Variants in GRB7 observed in about 807,000 individuals in gnomAD.
GRB7 encodes the protein growth factor receptor-bound protein 7.
GRB7 carries 47 observed loss-of-function variants against 64.1 expected under a neutral mutation model. The ratio of observed to expected loss-of-function variants is 0.73; its 90% CI spans 0.58 to 0.94. GRB7 has a LOEUF of 0.94. Ranked by LOEUF, GRB7 falls within the 40% of genes least tolerant of loss-of-function variation. The pLI is 0.00. For missense variants in GRB7, 634 were observed against 718.4 expected (o/e 0.88, Z 1.34); for synonymous variants, 277 against 279.9 (o/e 0.99, Z 0.10).
At chr17:39,745,150 C>A in intron 9 of GRB7, 93 bp from the exon 10 acceptor site, 2 of 1,232,850 alleles carry the variant, frequency 1.6e-6, no homozygotes, top group Non-Finnish European at 2.3e-6. Flanking sequence ...GAAACACAGC[C>A]CTGGTCTGGG....
intron 1 of GRB7, among the ~76,000 whole-genome samples, chr17:39,739,253 T>C (rs1293586220): frequency 6.7e-6 from 1 of 150,160 alleles, no homozygotes; most frequent in Non-Finnish European, 1.5e-5. Flanking sequence ...TACTGTATGC[T>C]TGGTGGGGGG....
Position 39,744,622 on chromosome 17 carries a change from A to G in GRB7, c.871A>G (p.Lys291Glu), listed in dbSNP as rs778076904. The part of the protein sequence containing the change: ...SNVYVVTQGR[K>E]LYGMPTDFGF... Reference sequence around the variant, plus strand: ...CGTGTACGTGGTGACGCAGGGCCGCAAGCTCTACGGGATGCCCACTGACTT... The same window carrying G: ...CGTGTACGTGGTGACGCAGGGCCGCGAGCTCTACGGGATGCCCACTGACTT... The change falls in exon 8 of 15, where the codon AAG becomes GAG. Residue 291 changes from lysine to glutamate, a missense_variant. By Grantham distance (56) the Lys-to-Glu change is moderately conservative (BLOSUM62 1). This residue lies in a region of GRB7 where 467 missense variants were observed against 576.6 expected (regional missense o/e 0.81). Coordinates refer to ENST00000309156, the MANE Select transcript of GRB7 (RefSeq NM_005310.5). The G allele has an allele frequency of 1.2e-6, 2 of 1,611,432 alleles. No homozygotes were observed. Among genetic ancestry groups the G allele is most frequent in the South Asian group, 2.2e-5 (2 of 90,548 alleles).
chr17:39,741,821 C>T (rs2059996674), intron 1 of GRB7, among the ~76,000 whole-genome samples: 1 of 151,810 alleles, frequency 6.6e-6, no homozygotes, highest in South Asian at 2.1e-4. Context: ...ACCAGCCTGG[C>T]CAACATGGTG....
In GRB7 at chr17:39,743,064, G is replaced by A. The variant is rs760583664; in HGVS notation, c.463+10G>A. The A allele has an allele frequency of 5.0e-6, 8 of 1,600,816 alleles. No homozygotes were observed. The South Asian group carries it at 9.0e-5, about 18-fold the overall frequency. On this transcript the variant is annotated intron_variant, in intron 4 of 14. Transcript: ENST00000309156. ...CCCCACCTAGCACTGGGTAAGTCAG[G>A]TGCATGGAACTATCCGGGCTGGGAG...
chr17:39,740,262 G>A (rs992761095), intron 1 of GRB7: 12 of 699,684 alleles, frequency 1.7e-5, no homozygotes, highest in East Asian at 2.6e-4. Flanking sequence ...TGGGTGTGTC[G>A]TGCCCCTCCT....
chr17:39,742,639 C>T lies in GRB7; in HGVS notation c.229C>T (p.Pro77Ser), dbSNP rs746819146. 3 of 1,611,986 alleles carry T rather than the reference C, an allele frequency of 1.9e-6. No individual in the cohort carries two copies. Among genetic ancestry groups the T allele is most frequent in the Non-Finnish European group, 1.7e-6 (2 of 1,178,916 alleles). The change falls in exon 3 of 15, where the codon CCT becomes TCT. Residue 77 changes from proline (P) to serine (S), a missense_variant. Pro to Ser is a moderately conservative substitution (Grantham distance 74). Around this residue, in one of 2 missense-constraint regions of GRB7, gnomAD observed 167 missense variants for 141.9 expected, o/e 1.18. Coordinates refer to ENST00000309156, the MANE Select transcript of GRB7 (RefSeq NM_005310.5). Reference protein sequence around the residue: ...IPNPFPELCSPPSQSPILGGP... With the variant: ...IPNPFPELCSSPSQSPILGGP... The stretch of plus-strand genomic sequence containing the variant: ...CAACCCCTTCCCTGAGCTCTGCAGT[C>T]CTCCCTCACAGAGCCCAATTCTCGG...
chr17:39,745,144 C>A, intron 9 of GRB7, 99 bp from the exon 10 acceptor site: 1 of 1,206,126 alleles, frequency 8.3e-7, no homozygotes, highest in Non-Finnish European at 1.2e-6. Flanking sequence ...AAGGCAGAAA[C>A]ACAGCCCTGG....
chr17:39,739,935 A>G (rs2059981114), intron 1 of GRB7: 2 of 955,398 alleles, frequency 2.1e-6, no homozygotes, highest in Admixed American at 6.2e-5. Context: ...CTCCAGCCTT[A>G]GAAGCTTAAG....
Position 39,744,130 on chromosome 17 carries a change from G to A in GRB7, c.724G>A (p.Gly242Arg), listed in dbSNP as rs756165078. ...GGGCTTTCTGCAGCTGCGGGGTTCA[G>A]GACGGAAGCTTTGGAAACGCTTTTT... ...IQGFLQLRGS[G>R]RKLWKRFFCF... The change falls in exon 7 of 15, where the codon GGA becomes AGA. Residue 242 changes from glycine (G) to arginine (R), a missense_variant. Gly to Arg is a moderately radical substitution (Grantham distance 125, BLOSUM62 -2). Around this residue, in one of 2 missense-constraint regions of GRB7, gnomAD observed 467 missense variants for 576.6 expected, o/e 0.81. Coordinates refer to ENST00000309156, the MANE Select transcript of GRB7 (RefSeq NM_005310.5). 6 of 1,614,192 alleles carry A rather than the reference G, an allele frequency of 3.7e-6. No homozygotes were observed. In the South Asian group the frequency reaches 6.6e-5, roughly 18 times the overall value.
Position 39,746,810 on chromosome 17 carries a change from C to T in GRB7, c.1512C>T (p.Asp504=), listed in dbSNP as rs773717971. Residue 504 remains aspartate (D), a synonymous_variant, in exon 15 of 15, where the codon GAC becomes GAT. Transcript: ENST00000309156. ...SMDDGQTRFT[D]LLQLVEFHQL... ...ATGATGGCCAGACCCGCTTCACTGA[C>T]CTGCTGCAGCTCGTGGAGTTCCACC... The T allele has an allele frequency of 5.0e-6, 8 of 1,613,906 alleles. No homozygotes were observed. In the East Asian group the frequency reaches 1.1e-4, roughly 22 times the overall value.
At chr17:39,743,546 G>A in intron 6 of GRB7, 76 bp downstream of exon 6, 1 of 1,151,668 alleles carries the variant, frequency 8.7e-7, no homozygotes, top group Non-Finnish European at 1.3e-6. Flanking sequence ...CTTAAGTCCT[G>A]TGCCTCCCCT....
chr17:39,742,484 G>A (rs1245936914), intron 2 of GRB7, 28 bp downstream of exon 2: 5 of 1,612,682 alleles, frequency 3.1e-6, no homozygotes, highest in African/African-American at 1.3e-5. Context: ...GCTTGGGGGA[G>A]GTCAGTGCTG....
At position 39,746,766 on chromosome 17, in the gene GRB7, C is replaced by G. The variant is rs779126414; in HGVS notation, c.1468C>G (p.Arg490Gly). Residue 490 changes from arginine to glycine, a missense_variant, in exon 15 of 15, where the codon CGC becomes GGC. Coordinates refer to ENST00000309156, the MANE Select transcript of GRB7 (RefSeq NM_005310.5). ...YLILPSEEEG[R>G]LYFSMDDGQT... ...TGTACCCCAGAGCGAGGAGGAGGGC[C>G]GCCTGTACTTCAGCATGGATGATGG... 5.0e-6 allele frequency: 8 copies of G among 1,613,944 alleles called. No homozygotes were observed. Among genetic ancestry groups the G allele is most frequent in the Non-Finnish European group, 6.8e-6 (8 of 1,180,028 alleles).
chr17:39,745,343 T>TTG lies in GRB7; in HGVS notation c.1092+20_1092+21insTG. ...CCCTTGGTGAGTGTGCCCAAGGGGA[T>TTG]GGGAGGGTGGGTATGCAGGCCCTGT... On this transcript the variant is annotated intron_variant, in intron 10 of 14. Transcript: ENST00000309156. 6.5e-7 allele frequency: 1 copy of TTG among 1,531,514 alleles called. No homozygotes were observed. Among genetic ancestry groups the TTG allele is most frequent in the Non-Finnish European group, 9.0e-7 (1 of 1,108,764 alleles). 94.9% of individuals were successfully genotyped at this position (1,531,514 alleles called of 1,614,324 possible).
At position 39,740,120 on chromosome 17, in the gene GRB7, G is replaced by C. The variant is rs1208649409; in HGVS notation, c.-51+1987G>C. The C allele has an allele frequency of 3.0e-6, 3 of 985,478 alleles. No homozygotes were observed. In the African/African-American group the frequency reaches 5.2e-5, roughly 17 times the overall value. 61.0% of individuals were successfully genotyped at this position (985,478 alleles called of 1,614,324 possible). A position where few individuals can be genotyped will look rare whatever the true frequency, so the allele number is the denominator to read the frequency against. ...GTTGGTCTGTGATTTCGAGGCAGGC[G>C]TGGCCCCCTGCAGCCTGGAATGAAG... On this transcript the variant is annotated intron_variant, in intron 1 of 14. Transcript: ENST00000309156.
Position 39,742,692 on chromosome 17 carries a change from C to A in GRB7, c.282C>A (p.Leu94=). 6.4e-7 allele frequency: 1 copy of A among 1,574,138 alleles called. No individual in the cohort carries two copies. Among genetic ancestry groups the A allele is most frequent in the South Asian group, 1.2e-5 (1 of 86,460 alleles). Residue 94 remains leucine (L), a synonymous_variant, in exon 3 of 15, where the codon CTC becomes CTA. Coordinates refer to ENST00000309156, the MANE Select transcript of GRB7 (RefSeq NM_005310.5). ...LGGPSSARGL[L]PRDASRPHVV... is the part of the protein sequence containing the mutation. ...GCCCCTCCAGTGCAAGGGGGCTGCTCCCCCGCGATGCCAGCCGCCCCCATG... is the reference window on the plus strand; with the variant it reads ...GCCCCTCCAGTGCAAGGGGGCTGCTACCCCGCGATGCCAGCCGCCCCCATG...
At chr17:39,739,604 G>A (rs1438191943) in intron 1 of GRB7, among the ~76,000 whole-genome samples, 1 of 152,248 alleles carries the variant, frequency 6.6e-6, no homozygotes, top group Non-Finnish European at 1.5e-5. Context: ...AAGCAGAGTT[G>A]TTTTCTGTTG....
At position 39,744,197 on chromosome 17, in the gene GRB7, G is replaced by A. The variant is rs375806905; in HGVS notation, c.791G>A (p.Gly264Asp). ...TCTGGCCTCTATTACTCCACCAAGG[G>A]CACCTCTAAGGTAAGGTCTTGAGGG... ...RRSGLYYSTK[G>D]TSKDPRHLQY... The change falls in exon 7 of 15, where the codon GGC becomes GAC. Residue 264 changes from glycine to aspartate, a missense_variant. Transcript: ENST00000309156. 2.3e-5 allele frequency: 37 copies of A among 1,613,738 alleles called. No homozygotes were observed. Among genetic ancestry groups the A allele is most frequent in the Non-Finnish European group, 3.1e-5 (37 of 1,179,988 alleles).
chr17:39,746,263 C>T, intron 14 of GRB7, 61 bp downstream of exon 14: 2 of 1,371,960 alleles, frequency 1.5e-6, no homozygotes, highest in Non-Finnish European at 2.1e-6. Context: ...GCAACCTGTC[C>T]TCCTCACCAG....
Sources: gnomAD v4.1 joint callset for allele counts (sites outside exome capture counted in the v4.1 genomes callset) on GRCh38, gnomAD v4.1.1 for gene constraint, gnomAD v4.1.1 regional missense constraint, MANE v1.5 for transcripts, NCBI Gene and HGNC (gene_info 2026-07-23, HGNC 2026-07-21) for gene names.